The following FREM1 variants were observed in gnomAD, a reference collection of about 807,000 sequenced individuals.
The protein encoded by FREM1 is FRAS1-related extracellular matrix protein 1.
In FREM1, 220 loss-of-function variants were observed where a neutral mutation model predicts 210.1. The ratio of observed to expected loss-of-function variants is 1.05; its 90% CI spans 0.94 to 1.17. The LOEUF (loss-of-function observed/expected upper bound fraction) is 1.17, where lower values mean the gene tolerates loss of function less well. Ranked by LOEUF, FREM1 falls within the 50% of genes most tolerant of loss-of-function variation. FREM1 has a pLI of 0.00. For missense variants in FREM1, 3,454 were observed against 2,675.5 expected (o/e 1.29, Z -6.42); for synonymous variants, 1,189 against 980.2 (o/e 1.21, Z -3.98).
At chr9:14,886,895 CAAAAAA>C (rs59827471) in intron 1 of FREM1, among the ~76,000 whole-genome samples, 25 of 95,496 alleles carry the variant, frequency 2.6e-4, no homozygotes, top group South Asian at 4.0e-4. Context: ...GACCTTGTTT[CAAAAAA>C]AAAAAAAAAA....
chr9:14,869,275 C>A, intron 1 of FREM1, 31 bp from the exon 2 acceptor site: 1 of 309,068 alleles, frequency 3.2e-6, no homozygotes, highest in Non-Finnish European at 6.0e-6. Flanking sequence ...TGGAGTAAAG[C>A]GAGAGAGAGA....
intron 35 of FREM1, among the ~76,000 whole-genome samples, chr9:14,741,148 AAAT>A (rs1841507073): frequency 6.6e-6 from 1 of 152,210 alleles, no homozygotes; most frequent in Non-Finnish European, 1.5e-5. Context: ...ACAAGGAAAA[AAAT>A]TAAATCACCA....
intron 1 of FREM1, among the ~76,000 whole-genome samples, chr9:14,872,055 G>C (rs1224863468): frequency 6.6e-6 from 1 of 152,170 alleles, no homozygotes; most frequent in Non-Finnish European, 1.5e-5. Context: ...GTACCATGCT[G>C]TTTTGGTTAC....
At chr9:14,852,573 A>G (rs1235154829) in intron 5 of FREM1, among the ~76,000 whole-genome samples, 2 of 152,206 alleles carry the variant, frequency 1.3e-5, no homozygotes, top group Non-Finnish European at 2.9e-5. Flanking sequence ...GTGCACACCT[A>G]TAGCCAATTA....
chr9:14,842,492 G>A lies in FREM1; in HGVS notation c.1562C>T (p.Pro521Leu). The change falls in exon 9 of 37, where the codon CCC (proline) becomes CTC (leucine). Residue 521 changes from proline to leucine, a missense_variant. Transcript: ENST00000380880. Reference sequence around the variant, plus strand: ...CACAACATTGGTTATGAGGAACGGGGGACTATCATCTTTGGGCAAGACGTT... The same window carrying A: ...CACAACATTGGTTATGAGGAACGGGAGACTATCATCTTTGGGCAAGACGTT... ...PINVLPKDDS[P>L]PFLITNVVIE... is the part of the protein sequence containing the mutation. The A allele has an allele frequency of 6.2e-7, 1 of 1,614,004 alleles. No homozygotes were observed. The highest frequency in any genetic ancestry group is 8.5e-7 in the Non-Finnish European group (1 of 1,179,884).
intron 16 of FREM1, among the ~76,000 whole-genome samples, chr9:14,810,490 T>C (rs890274715): frequency 6.6e-6 from 1 of 152,196 alleles, no homozygotes; most frequent in African/African-American, 2.4e-5. Context: ...CTCACTCTGC[T>C]GCCCAGGTTG....
At chr9:14,784,680 C>T (rs1195032353) in intron 23 of FREM1, 46 bp from the exon 24 acceptor site, 7 of 1,406,298 alleles carry the variant, frequency 5.0e-6, no homozygotes, top group African/African-American at 1.4e-5. Context: ...TCAAAAAACA[C>T]ATTATGTCCA....
chr9:14,850,411 T>C (rs1827490177), intron 6 of FREM1: 1 of 149,108 alleles, frequency 6.7e-6, no homozygotes, highest in Non-Finnish European at 1.5e-5. Flanking sequence ...TAAAAGAATT[T>C]ATTAATAAAA....
At chr9:14,807,276 C>T (rs1818542519) in intron 17 of FREM1, among the ~76,000 whole-genome samples, 1 of 152,198 alleles carries the variant, frequency 6.6e-6, no homozygotes, top group Admixed American at 6.5e-5. Flanking sequence ...CTCTGTTTGT[C>T]AGAGCGTTAA....
intron 29 of FREM1, among the ~76,000 whole-genome samples, chr9:14,753,154 C>T (rs1177029804): frequency 6.6e-6 from 1 of 152,224 alleles, no homozygotes. Flanking sequence ...AAGGCTTGGA[C>T]TGGCTCCCTG....
At chr9:14,841,199 G>C (rs1450991737) in intron 10 of FREM1, among the ~76,000 whole-genome samples, 1 of 152,156 alleles carries the variant, frequency 6.6e-6, no homozygotes, top group Non-Finnish European at 1.5e-5. Context: ...TTTGTGAGTT[G>C]CTCTACATAA....
At chr9:14,880,369 C>T (rs887515992) in intron 1 of FREM1, among the ~76,000 whole-genome samples, 6 of 151,984 alleles carry the variant, frequency 3.9e-5, no homozygotes, top group Non-Finnish European at 7.4e-5. Context: ...TTTGGGAAGC[C>T]GAGGCGGGTG....
chr9:14,788,344 T>C lies in FREM1; in HGVS notation c.4177+575A>G, dbSNP rs760927088. ...CTCCCCCATTCACCACTTATACAAC[T>C]GACTCTGCTTAATTAACTCACAAGA... On this transcript the variant is annotated intron_variant, in intron 23 of 36. Coordinates refer to ENST00000380880, the MANE Select transcript of FREM1 (RefSeq NM_001379081.2). Among the ~76,000 whole-genome samples, 3 of 152,210 alleles carry C rather than the reference T, an allele frequency of 2.0e-5. No individual in the cohort carries two copies. In the South Asian group the frequency reaches 6.2e-4, roughly 32 times the overall value.
intron 10 of FREM1, among the ~76,000 whole-genome samples, chr9:14,837,381 T>A (rs980131651): frequency 2.0e-5 from 3 of 152,010 alleles, no homozygotes; most frequent in Admixed American, 2.0e-4. Flanking sequence ...AGCCTCTTCC[T>A]TCTGTCTTCT....
rs764743950 is a variant in FREM1, at chr9:14,770,764, G to T, written c.4900C>A (p.His1634Asn). 1 of 1,613,400 alleles carries T rather than the reference G, an allele frequency of 6.2e-7. No individual in the cohort carries two copies. Residue 1634 changes from histidine (H) to asparagine (N), a missense_variant, in exon 26 of 37, where the codon CAT becomes AAT. Coordinates refer to ENST00000380880, the MANE Select transcript of FREM1 (RefSeq NM_001379081.2). Reference sequence around the variant, plus strand: ...AGGAGCCCCACTTGAGAAGGGGAATGCAAGAGTGTGATACGAGGAGCTGTT... The same window carrying T: ...AGGAGCCCCACTTGAGAAGGGGAATTCAAGAGTGTGATACGAGGAGCTGTT... The part of the protein sequence containing the change: ...DKTAPRITLL[H>N]SPSQVGLLKN...
chr9:14,781,226 AT>A (rs1464142042), intron 24 of FREM1, among the ~76,000 whole-genome samples: 1 of 152,054 alleles, frequency 6.6e-6, no homozygotes, highest in Non-Finnish European at 1.5e-5. Flanking sequence ...AGGTGGTGTC[AT>A]AAGGCTTAAG....
rs761577569 is a variant in FREM1 at position 14,740,222 on chromosome 9, G to T, written c.6267C>A (p.Asn2089Lys). 4 of 1,612,326 alleles carry T rather than the reference G, an allele frequency of 2.5e-6. No homozygotes were observed. The South Asian group carries it at 4.4e-5, about 18-fold the overall frequency. Residue 2089 changes from asparagine to lysine, a missense_variant, in exon 36 of 37, where the codon AAC becomes AAA. Physicochemically the swap from Asn to Lys is moderately conservative, Grantham distance 94. Coordinates refer to ENST00000380880, the MANE Select transcript of FREM1 (RefSeq NM_001379081.2). ...AQACREQYLG[N>K]LVTVFSRQHM... ...GCTGCCTGGAGAATACAGTTACAAG[G>T]TTGCCCAGGTATCTAAATGCAAATG...
At chr9:14,875,384 T>G (rs1477749817) in intron 1 of FREM1, among the ~76,000 whole-genome samples, 1 of 152,180 alleles carries the variant, frequency 6.6e-6, no homozygotes, top group Non-Finnish European at 1.5e-5. Context: ...CCTTTTATTC[T>G]TTTTTCTCTA....
chr9:14,822,135 G>T (rs1459601620), intron 13 of FREM1, among the ~76,000 whole-genome samples: 1 of 152,152 alleles, frequency 6.6e-6, no homozygotes, highest in Non-Finnish European at 1.5e-5. Context: ...ACGTGACTTT[G>T]CTCCTCATCC....
Sources: allele counts gnomAD v4.1 joint callset (sites outside exome capture counted in the v4.1 genomes callset), GRCh38; gene constraint gnomAD v4.1.1; transcripts MANE v1.5; gene names NCBI Gene and HGNC (gene_info 2026-07-23, HGNC 2026-07-21).